SEMA5A: variants seen among roughly 807,000 people sequenced by gnomAD.
SEMA5A encodes semaphorin-5A.
A neutral mutation model predicts 135.5 loss-of-function variants in SEMA5A; 55 were observed. The ratio of observed to expected loss-of-function variants is 0.41; its 90% CI spans 0.33 to 0.51. The LOEUF is 0.51. SEMA5A is among the 20% of genes least tolerant of loss of function. The pLI is 0.37. For synonymous variants in SEMA5A, 580 were observed against 546.5 expected, an observed-to-expected ratio of 1.06 and a Z score of -0.85; for missense variants, 1,290 against 1,419.9, an observed-to-expected ratio of 0.91 and a Z score of 1.47.
At chr5:9,390,485 T>C (rs1446356264) in intron 2 of SEMA5A, among the ~76,000 whole-genome samples, 1 of 152,216 alleles carries the variant, frequency 6.6e-6, no homozygotes, top group Non-Finnish European at 1.5e-5. Flanking sequence ...TAAAATATTA[T>C]CAGATAAATT....
chr5:9,110,868 CA>C (rs1740201891), intron 15 of SEMA5A, among the ~76,000 whole-genome samples: 1 of 152,016 alleles, frequency 6.6e-6, no homozygotes, highest in Non-Finnish European at 1.5e-5. Context: ...AGCTCAGGGC[CA>C]CTGGACATTC....
chr5:9,055,016 C>G (rs138800765), intron 18 of SEMA5A, among the ~76,000 whole-genome samples: 118 of 152,310 alleles, frequency 7.7e-4, no homozygotes, highest in Middle Eastern at 3.4e-3. Context: ...CAGCACATGT[C>G]TCTGCCTGCT....
At position 9,401,247 on chromosome 5, in the gene SEMA5A, G is replaced by A. The variant is rs532808494; in HGVS notation, c.-77-21224C>T. Among the ~76,000 whole-genome samples the A allele has an allele frequency of 9.8e-4, 149 of 152,184 alleles. 1 individual carries two copies. The highest frequency in any genetic ancestry group is 1.9e-3 in the Non-Finnish European group (126 of 68,038). ...GATGAGCAGTATCCATAAAAGTCGC[G>A]CCACACTGCCTGGACCTATTTCTTC... On this transcript the variant is annotated intron_variant, in intron 2 of 22. Coordinates refer to ENST00000382496, the MANE Select transcript of SEMA5A (RefSeq NM_003966.3).
intron 16 of SEMA5A, among the ~76,000 whole-genome samples, chr5:9,091,631 T>G (rs1739040988): frequency 6.6e-6 from 1 of 152,190 alleles, no homozygotes; most frequent in Admixed American, 6.5e-5. Flanking sequence ...CCATTTGTTT[T>G]CATGAGATTT....
chr5:9,264,080 G>T (rs1749549586), intron 5 of SEMA5A, among the ~76,000 whole-genome samples: 1 of 152,196 alleles, frequency 6.6e-6, no homozygotes, highest in East Asian at 1.9e-4. Flanking sequence ...TGTGATGAAA[G>T]ATATAAGTGA....
chr5:9,230,413 C>T (rs1213771282), intron 6 of SEMA5A, among the ~76,000 whole-genome samples: 1 of 151,904 alleles, frequency 6.6e-6, no homozygotes, highest in Non-Finnish European at 1.5e-5. Flanking sequence ...CAGGGAGGGG[C>T]AGTGCAAACC....
intron 2 of SEMA5A, among the ~76,000 whole-genome samples, chr5:9,419,286 G>A (rs541922495): frequency 2.0e-5 from 3 of 152,290 alleles, no homozygotes; most frequent in Non-Finnish European, 4.4e-5. Context: ...TTGTGACCAA[G>A]CATGTGGTCG....
In SEMA5A at chr5:9,131,888, G is replaced by A. The variant is rs913488434; in HGVS notation, c.1599+4616C>T. On this transcript the variant is annotated intron_variant, in intron 13 of 22. Transcript: ENST00000382496. ...CATCATATGGTACCCTGGTCATCAT[G>A]TATCCACAAAGGGTGTGGATGGTAT... Among the ~76,000 whole-genome samples, 6 of 152,194 alleles carry A rather than the reference G, an allele frequency of 3.9e-5. 1 individual carries two copies. The highest frequency in any genetic ancestry group is 1.2e-4 in the African/African-American group (5 of 41,528).
chr5:9,236,211 C>CA lies in SEMA5A; in HGVS notation c.333+1616dup, dbSNP rs1249337188. ...AAACCATATCAGGCATCACACAGAG[C>CA]AACCCCTGGGAGGCATTGATATCCC... On this transcript the variant is annotated intron_variant, in intron 6 of 22. Coordinates refer to ENST00000382496, the MANE Select transcript of SEMA5A (RefSeq NM_003966.3). 3.3e-5 allele frequency among the ~76,000 whole-genome samples: 5 copies of CA among 152,272 alleles called. No individual in the cohort carries two copies. In the East Asian group the frequency reaches 9.7e-4, roughly 29 times the overall value.
chr5:9,227,825 C>G (rs1244790898), intron 6 of SEMA5A, among the ~76,000 whole-genome samples: 1 of 152,230 alleles, frequency 6.6e-6, no homozygotes, highest in Non-Finnish European at 1.5e-5. Flanking sequence ...GCTGGGATTA[C>G]AGGCGTGAGC....
intron 21 of SEMA5A, among the ~76,000 whole-genome samples, chr5:9,049,838 A>C (rs974911465): frequency 6.6e-6 from 1 of 152,220 alleles, no homozygotes; most frequent in Non-Finnish European, 1.5e-5. Context: ...TGAACCAGAT[A>C]ATGTTGTCTT....
At chr5:9,533,500 T>G (rs1394111171) in intron 1 of SEMA5A, among the ~76,000 whole-genome samples, 14 of 152,232 alleles carry the variant, frequency 9.2e-5, no homozygotes, top group Admixed American at 9.2e-4. Context: ...TATAAAATAT[T>G]CATCTAAAAT....
At chr5:9,459,686 G>A (rs1337393623) in intron 1 of SEMA5A, among the ~76,000 whole-genome samples, 1 of 152,164 alleles carries the variant, frequency 6.6e-6, no homozygotes, top group Non-Finnish European at 1.5e-5. Context: ...TATAATGTAT[G>A]TTCTTTTAAG....
intron 1 of SEMA5A, among the ~76,000 whole-genome samples, chr5:9,483,673 T>C (rs1487555715): frequency 2.0e-5 from 3 of 152,210 alleles, no homozygotes; most frequent in African/African-American, 4.8e-5. Context: ...TCTTCTCTGG[T>C]TCCCCTTACC....
chr5:9,077,968 A>C (rs1016326149), intron 16 of SEMA5A, among the ~76,000 whole-genome samples: 4 of 152,234 alleles, frequency 2.6e-5, no homozygotes, highest in African/African-American at 9.6e-5. Flanking sequence ...AACAGCCTAA[A>C]GCTCAGGAGA....
At chr5:9,342,878 T>G (rs904863447) in intron 3 of SEMA5A, among the ~76,000 whole-genome samples, 2 of 152,222 alleles carry the variant, frequency 1.3e-5, no homozygotes, top group Non-Finnish European at 2.9e-5. Flanking sequence ...CCAACCAGCA[T>G]AGTTTTTGTG....
intron 1 of SEMA5A, chr5:9,522,973 A>C (rs547310185): frequency 6.6e-6 from 1 of 152,164 alleles, no homozygotes; most frequent in Admixed American, 6.5e-5. Flanking sequence ...ACATATTTTG[A>C]GTTTCTGTGG....
intron 16 of SEMA5A, among the ~76,000 whole-genome samples, chr5:9,069,140 C>A (rs1010098771): frequency 2.0e-5 from 3 of 152,230 alleles, no homozygotes; most frequent in Non-Finnish European, 4.4e-5. Context: ...CCCAAGGAAG[C>A]TTTCAGTATA....
chr5:9,158,214 A>C (rs1806098), intron 11 of SEMA5A, among the ~76,000 whole-genome samples: 20,052 of 152,180 alleles, frequency 0.13, 2,615 homozygotes, highest in African/African-American at 0.33. Flanking sequence ...TTCCCATTAT[A>C]ATCTCTAGCA....
Sources: allele counts gnomAD v4.1 joint callset (sites outside exome capture counted in the v4.1 genomes callset), GRCh38; gene constraint gnomAD v4.1.1; transcripts MANE v1.5; gene names NCBI Gene and HGNC (gene_info 2026-07-23, HGNC 2026-07-21).